Variants in NHSL3 observed in about 807,000 individuals in gnomAD.
The protein encoded by NHSL3 is NHS-like protein 3.
chr1:32,750,723 G>A, the NHSL3 span, among the ~76,000 whole-genome samples: 50 of 152,132 alleles, frequency 3.3e-4, no homozygotes, highest in South Asian at 3.3e-3. Context: ...GGCCAGGCTG[G>A]TCTTAAACTG....
chr1:32,772,268 C>G, the NHSL3 span: 1 of 1,602,778 alleles, frequency 6.2e-7, no homozygotes. Context: ...CGCAAGCCGT[C>G]TGTGGGAGTC....
chr1:32,765,885 C>G, the NHSL3 span: 1 of 1,461,484 alleles, frequency 6.8e-7, no homozygotes. Flanking sequence ...CTTTCCCAGA[C>G]CCTTATGTAG....
chr1:32,765,166 G>T, the NHSL3 span, among the ~76,000 whole-genome samples: 1 of 152,238 alleles, frequency 6.6e-6, no homozygotes, highest in Non-Finnish European at 1.5e-5. Context: ...CAGCCACTGT[G>T]GTTCTGCTCT....
the NHSL3 span, chr1:32,742,008 G>A: frequency 1.6e-3 from 1,917 of 1,224,660 alleles, 48 homozygotes; most frequent in East Asian, 0.042. Context: ...CGGGGAACCC[G>A]GGCGGCCCCC....
the NHSL3 span, among the ~76,000 whole-genome samples, chr1:32,761,305 G>C: frequency 1.3e-5 from 2 of 152,184 alleles, no homozygotes; most frequent in African/African-American, 4.8e-5. Flanking sequence ...GCGAGCCACA[G>C]GTGTATAGAT....
the NHSL3 span, among the ~76,000 whole-genome samples, chr1:32,757,330 G>T: frequency 6.6e-6 from 1 of 152,102 alleles, no homozygotes; most frequent in South Asian, 2.1e-4. Context: ...GATGGCTCTA[G>T]GGTGGGGGCA....
At chr1:32,762,406 A>T in the NHSL3 span, among the ~76,000 whole-genome samples, 2 of 150,254 alleles carry the variant, frequency 1.3e-5, no homozygotes, top group Non-Finnish European at 3.0e-5. Flanking sequence ...AGTCTCTGCT[A>T]TGTTTTTTAG....
At chr1:32,765,769 CATG>C in the NHSL3 span, 2 of 1,547,830 alleles carry the variant, frequency 1.3e-6, no homozygotes, top group South Asian at 2.4e-5. Context: ...CGCCCGCAGT[CATG>C]GTGGTGTTCG....
chr1:32,745,367 G>A, the NHSL3 span, among the ~76,000 whole-genome samples: 1 of 151,842 alleles, frequency 6.6e-6, no homozygotes, highest in Admixed American at 6.6e-5. Flanking sequence ...AGACCAGCCT[G>A]ACCAACATGG....
the NHSL3 span, among the ~76,000 whole-genome samples, chr1:32,758,277 A>G: frequency 6.6e-6 from 1 of 152,042 alleles, no homozygotes; most frequent in Admixed American, 6.6e-5. Context: ...TCCTTTTCCC[A>G]TGCGTTGCAC....
chr1:32,772,207 C>A, the NHSL3 span: 3 of 1,611,326 alleles, frequency 1.9e-6, no homozygotes, highest in Non-Finnish European at 2.5e-6. Flanking sequence ...CTCAGAGCAG[C>A]GGCCACCCCA....
chr1:32,771,166 C>T, the NHSL3 span: 3 of 1,611,882 alleles, frequency 1.9e-6, no homozygotes, highest in Non-Finnish European at 2.5e-6. Context: ...CATACCTCCT[C>T]ACCCCAAGGT....
At chr1:32,747,136 C>A in the NHSL3 span, among the ~76,000 whole-genome samples, 39 of 151,950 alleles carry the variant, frequency 2.6e-4, no homozygotes, top group East Asian at 3.9e-3. Flanking sequence ...GTAAGTCCTG[C>A]CCCTCTTTGG....
the NHSL3 span, chr1:32,769,998 G>A: frequency 8.7e-6 from 14 of 1,604,412 alleles, no homozygotes; most frequent in African/African-American, 1.3e-5. Flanking sequence ...GGGCCCGGGT[G>A]TCCCTGCAGG....
chr1:32,768,785 T>C, the NHSL3 span: 2 of 1,613,100 alleles, frequency 1.2e-6, no homozygotes, highest in Admixed American at 1.7e-5. Context: ...GGTGGATTCA[T>C]GGGCAGGGGA....
the NHSL3 span, chr1:32,768,676 GACA>G: frequency 1.9e-6 from 3 of 1,614,068 alleles, no homozygotes; most frequent in Admixed American, 1.7e-5. Context: ...GCCGGATGAA[GACA>G]ACATCTCCTT....
At chr1:32,753,992 C>G in the NHSL3 span, 1 of 402,548 alleles carries the variant, frequency 2.5e-6, no homozygotes, top group East Asian at 4.3e-5. Flanking sequence ...CCGCGGTGCC[C>G]GCCCGCGAGT....
At chr1:32,767,540 C>T in the NHSL3 span, among the ~76,000 whole-genome samples, 2 of 151,754 alleles carry the variant, frequency 1.3e-5, no homozygotes, top group African/African-American at 4.8e-5. Flanking sequence ...TATATGGGGC[C>T]CTTTGTGTGG....
At chr1:32,770,325 G>T in the NHSL3 span, 1 of 1,612,134 alleles carries the variant, frequency 6.2e-7, no homozygotes. This position sits in a 1 kb window ranked among gnomAD's most constrained non-coding sequence, Gnocchi z 8.3. Context: ...GCTGCAGCCT[G>T]CACTCGGCCA....
Sources: allele counts gnomAD v4.1 joint callset (sites outside exome capture counted in the v4.1 genomes callset), GRCh38; gene constraint gnomAD v4.1.1; non-coding constraint Gnocchi (gnomAD v3.1); transcripts MANE v1.5; gene names NCBI Gene and HGNC (gene_info 2026-07-23, HGNC 2026-07-21).